MTMR14: variants seen among roughly 807,000 people sequenced by gnomAD.
The protein encoded by MTMR14 is phosphatidylinositol-3,5-bisphosphate 3-phosphatase MTMR14.
Under a neutral mutation model 86.3 loss-of-function variants are expected in MTMR14, and 48 were observed. The observed-to-expected ratio is 0.56, with a 90% CI of 0.44 to 0.71. The LOEUF is 0.71. MTMR14 is among the 30% of genes least tolerant of loss of function. The pLI is 0.00. For missense variants in MTMR14, 780 were observed against 834.6 expected (o/e 0.93, Z 0.81); for synonymous variants, 366 against 326.1 (o/e 1.12, Z -1.32).
chr3:9,651,173 C>T lies in MTMR14; in HGVS notation c.159+1431C>T, dbSNP rs142180796. Among the ~76,000 whole-genome samples, 229 of 152,266 alleles carry T rather than the reference C, an allele frequency of 1.5e-3. 4 individuals are homozygous for T. In the East Asian group the frequency reaches 0.017, roughly 12 times the overall value. On this transcript the variant is annotated intron_variant, in intron 1 of 18. Coordinates refer to ENST00000296003, the MANE Select transcript of MTMR14 (RefSeq NM_001077525.3). Reference sequence around the variant, plus strand: ...CTGGATTGCAGTGGTGCAACCATGACTTACTGCAGCCTCGAAATCCTGGGT... The same window carrying T: ...CTGGATTGCAGTGGTGCAACCATGATTTACTGCAGCCTCGAAATCCTGGGT...
At chr3:9,688,870 T>C (rs1424070588) in intron 15 of MTMR14, 74 bp from the exon 16 acceptor site, 182 of 1,607,780 alleles carry the variant, frequency 1.1e-4, no homozygotes, top group Non-Finnish European at 1.4e-4. Context: ...TTCCCAGTTA[T>C]GTGGTATAGA....
At chr3:9,693,671 G>A (rs1004837891) in intron 17 of MTMR14, among the ~76,000 whole-genome samples, 2 of 152,206 alleles carry the variant, frequency 1.3e-5, no homozygotes, top group African/African-American at 4.8e-5. Context: ...GTCTTGCTGT[G>A]TAGGGCAGCA....
chr3:9,650,425 C>T (rs975613310), intron 1 of MTMR14: 1 of 455,120 alleles, frequency 2.2e-6, no homozygotes, highest in Non-Finnish European at 4.4e-6. Context: ...CCGACCCTGC[C>T]ATCTCATTCC....
At chr3:9,686,072 TG>T (rs746692183) in intron 13 of MTMR14, among the ~76,000 whole-genome samples, 2 of 152,184 alleles carry the variant, frequency 1.3e-5, no homozygotes, top group African/African-American at 2.4e-5. Flanking sequence ...CTCACCCTCA[TG>T]GGGCTGCTTC....
At chr3:9,686,065 A>G (rs2075940298) in intron 13 of MTMR14, among the ~76,000 whole-genome samples, 1 of 151,818 alleles carries the variant, frequency 6.6e-6, no homozygotes, top group South Asian at 2.1e-4. Context: ...CATCTTTCTC[A>G]CCCTCATGGG....
Position 9,701,911 on chromosome 3 carries a change from GGCCT to G in MTMR14, c.1894_1897del (p.Leu632TrpfsTer24). On this transcript the variant is annotated frameshift_variant, in exon 19 of 19. Coordinates refer to ENST00000296003, the MANE Select transcript of MTMR14 (RefSeq NM_001077525.3). LOFTEE classifies it high-confidence loss of function. This position sits in a 1 kb window ranked among gnomAD's most constrained non-coding sequence, Gnocchi z 4.2. ...CCCCAGTCCTTCCGGTGCCATCGGG[GGCCT>G]GCTGGAGCAATTTGCCCGTGGTGTT... The G allele has an allele frequency of 6.2e-7, 1 of 1,614,210 alleles. No homozygotes were observed. Among genetic ancestry groups the G allele is most frequent in the Non-Finnish European group, 8.5e-7 (1 of 1,180,048 alleles).
At chr3:9,691,644 G>A (rs921114670) in intron 17 of MTMR14, among the ~76,000 whole-genome samples, 1 of 152,174 alleles carries the variant, frequency 6.6e-6, no homozygotes, top group Non-Finnish European at 1.5e-5. Flanking sequence ...TCCATCTCCT[G>A]CCTGCCAAAA....
At chr3:9,687,996 C>A in intron 14 of MTMR14, 105 bp downstream of exon 14, 4 of 979,564 alleles carry the variant, frequency 4.1e-6, no homozygotes, top group Non-Finnish European at 6.3e-6. Flanking sequence ...TGCCTCCCTG[C>A]TTGTTGGGCT....
chr3:9,660,822 T>C (rs975279195), intron 2 of MTMR14, among the ~76,000 whole-genome samples: 3 of 152,144 alleles, frequency 2.0e-5, no homozygotes, highest in Non-Finnish European at 4.4e-5. Flanking sequence ...CATGAGTATT[T>C]TTCCTTCCTT....
In MTMR14 at chr3:9,649,549, G is replaced by A. The variant is rs2047156341; in HGVS notation, c.-35G>A. On this transcript the variant is annotated 5_prime_UTR_variant, in exon 1 of 19. Coordinates refer to ENST00000296003, the MANE Select transcript of MTMR14 (RefSeq NM_001077525.3). ...GGGTGCAGGCAGGTGCCATGGGCCC[G>A]CTTGAGGCACACTGAGGGGACGCGG... The A allele has an allele frequency of 1.3e-6, 2 of 1,525,594 alleles. No homozygotes were observed. The highest frequency in any genetic ancestry group is 2.5e-5 in the East Asian group (1 of 40,606). 94.5% of individuals were successfully genotyped at this position (1,525,594 alleles called of 1,614,324 possible).
chr3:9,691,297 G>T (rs1042930755), intron 17 of MTMR14, among the ~76,000 whole-genome samples: 1 of 152,208 alleles, frequency 6.6e-6, no homozygotes, highest in African/African-American at 2.4e-5. Flanking sequence ...TGGAAGTGGT[G>T]GGGCAGAGAT....
chr3:9,678,150 T>G, intron 9 of MTMR14, 92 bp downstream of exon 9: 2 of 1,328,650 alleles, frequency 1.5e-6, no homozygotes, highest in Non-Finnish European at 2.1e-6. Flanking sequence ...CTCGTGTGTT[T>G]GCCTGATGGG....
At chr3:9,688,390 G>T (rs746889683) in intron 14 of MTMR14, among the ~76,000 whole-genome samples, 3 of 152,232 alleles carry the variant, frequency 2.0e-5, no homozygotes, top group Admixed American at 1.3e-4. Context: ...TCTTGCCTGA[G>T]TTGGTTTGCC....
At position 9,649,505 on chromosome 3, in the gene MTMR14, A is replaced by T; in HGVS notation, c.-79A>T. 6.8e-7 allele frequency: 1 copy of T among 1,470,738 alleles called. No homozygotes were observed. Among genetic ancestry groups the T allele is most frequent in the Non-Finnish European group, 9.0e-7 (1 of 1,115,496 alleles). 91.1% of individuals were successfully genotyped at this position (1,470,738 alleles called of 1,614,324 possible). ...AAGGCGGTGGCTGAGGCGGTTCCGG[A>T]GGTTCTAGTGTCGGAGTTGGGTGCA... On this transcript the variant is annotated 5_prime_UTR_variant, in exon 1 of 19. Coordinates refer to ENST00000296003, the MANE Select transcript of MTMR14 (RefSeq NM_001077525.3).
chr3:9,661,271 C>T (rs963427927), intron 2 of MTMR14, among the ~76,000 whole-genome samples: 6 of 152,210 alleles, frequency 3.9e-5, no homozygotes, highest in East Asian at 1.9e-4. Context: ...AATTTTTCCA[C>T]GGCAGGGTGG....
chr3:9,665,260 C>T (rs1352026684), intron 3 of MTMR14, among the ~76,000 whole-genome samples: 6 of 140,034 alleles, frequency 4.3e-5, no homozygotes, highest in Admixed American at 1.6e-4. Context: ...CCAGCCTGGG[C>T]GACAGTGTGA....
intron 2 of MTMR14, 98 bp downstream of exon 2, chr3:9,653,867 TC>T: frequency 6.6e-7 from 1 of 1,505,172 alleles, no homozygotes; most frequent in Non-Finnish European, 9.2e-7. Flanking sequence ...AGAATCACTT[TC>T]CCCAGGTGTT....
At chr3:9,650,275 A>T (rs568983578) in intron 1 of MTMR14, 476 of 456,304 alleles carry the variant, frequency 1.0e-3, no homozygotes, top group Non-Finnish European at 1.8e-3. Flanking sequence ...CAGTTCCTTT[A>T]TCTAAAGCAG....
At chr3:9,666,389 TC>T (rs1336658512) in intron 3 of MTMR14, among the ~76,000 whole-genome samples, 1 of 152,154 alleles carries the variant, frequency 6.6e-6, no homozygotes, top group African/African-American at 2.4e-5. Flanking sequence ...CACTCTGGCC[TC>T]CCAAAGTGCT....
Sources: allele counts gnomAD v4.1 joint callset (sites outside exome capture counted in the v4.1 genomes callset), GRCh38; gene constraint gnomAD v4.1.1; non-coding constraint Gnocchi (gnomAD v3.1); transcripts MANE v1.5; gene names NCBI Gene and HGNC (gene_info 2026-07-23, HGNC 2026-07-21).